Variants in RBMS1 observed in about 807,000 individuals in gnomAD.
The protein encoded by RBMS1 is RNA-binding motif, single-stranded-interacting protein 1.
RBMS1 carries 17 observed loss-of-function variants against 62.3 expected under a neutral mutation model. That is an observed-to-expected ratio of 0.27 (90% CI 0.19 to 0.41). RBMS1 has a LOEUF of 0.41. Ranked by LOEUF, RBMS1 falls within the 10% of genes least tolerant of loss-of-function variation. The probability of loss-of-function intolerance (pLI) is 1.00; values close to 1 mark genes in which losing one functional copy is unlikely to be tolerated. For missense variants in RBMS1, 334 were observed against 504.5 expected (o/e 0.66, Z 3.24); for synonymous variants, 172 against 170.0 (o/e 1.01, Z -0.09).
At chr2:160,412,106 C>A (rs905488565) in intron 1 of RBMS1, among the ~76,000 whole-genome samples, 2 of 152,192 alleles carry the variant, frequency 1.3e-5, no homozygotes, top group Non-Finnish European at 2.9e-5. Flanking sequence ...TCAGAGATCA[C>A]TCTCATAAGC....
intron 1 of RBMS1, 151 bp downstream of exon 1, chr2:160,493,138 C>G: frequency 1.3e-6 from 1 of 744,340 alleles, no homozygotes; most frequent in Non-Finnish European, 2.1e-6. Flanking sequence ...CCGCCCGGCT[C>G]TGCCCAGGCC....
intron 1 of RBMS1, among the ~76,000 whole-genome samples, chr2:160,371,948 A>G (rs1478902179): frequency 6.6e-6 from 1 of 152,230 alleles, no homozygotes; most frequent in Non-Finnish European, 1.5e-5. Flanking sequence ...TATAGAGAAG[A>G]GAGAAATAGT....
intron 1 of RBMS1, among the ~76,000 whole-genome samples, chr2:160,426,294 G>GA (rs1256947237): frequency 0.011 from 730 of 65,546 alleles, no homozygotes; most frequent in Non-Finnish European, 0.011. Context: ...AGAAAGAAAA[G>GA]AAAGAAGGAA....
intron 1 of RBMS1, among the ~76,000 whole-genome samples, chr2:160,487,738 A>ATTCAATGTCCAACATATTCTCAATCT (rs1685655323): frequency 6.6e-6 from 1 of 152,230 alleles, no homozygotes; most frequent in African/African-American, 2.4e-5. Context: ...AGGTTTTCAT[A>ATTCAATGTCCAACATATTCTCAATCT]TTCAATGTCC....
At chr2:160,288,187 A>G (rs1001410815) in intron 6 of RBMS1, among the ~76,000 whole-genome samples, 4 of 152,142 alleles carry the variant, frequency 2.6e-5, no homozygotes, top group Non-Finnish European at 2.9e-5. Context: ...AAAGGCAATC[A>G]CACCTTCCTG....
Position 160,417,605 on chromosome 2 carries a change from T to A in RBMS1, c.76-50214A>T, listed in dbSNP as rs141377363. 2.5e-3 allele frequency among the ~76,000 whole-genome samples: 381 copies of A among 152,310 alleles called. 1 individual carries two copies. The highest frequency in any genetic ancestry group is 8.4e-3 in the African/African-American group (351 of 41,544). ...TGCCTGAAAATTACAGAGATGTTAA[T>A]TGACATTTGAAAAAAGTGGACTACA... is the stretch of plus-strand genomic sequence containing the variant. On this transcript the variant is annotated intron_variant, in intron 1 of 13. Transcript: ENST00000348849.
chr2:160,372,053 C>T (rs774403483), intron 1 of RBMS1, among the ~76,000 whole-genome samples: 35 of 152,184 alleles, frequency 2.3e-4, no homozygotes, highest in Non-Finnish European at 4.3e-4. Context: ...TTATAGATTT[C>T]TATGCAGCAA....
chr2:160,453,089 TATGATGATG>T (rs34689714), intron 1 of RBMS1, among the ~76,000 whole-genome samples: 32,752 of 138,972 alleles, frequency 0.24, 3,852 homozygotes, highest in African/African-American at 0.31. Context: ...TAACTACTGT[TATGATGATG>T]ATGATGATGA....
intron 2 of RBMS1, among the ~76,000 whole-genome samples, chr2:160,350,743 C>A (rs1335308613): frequency 1.3e-5 from 2 of 152,104 alleles, no homozygotes; most frequent in African/African-American, 2.4e-5. Context: ...TTTCTTAATC[C>A]AGTCTATCAT....
intron 1 of RBMS1, among the ~76,000 whole-genome samples, chr2:160,414,089 C>A (rs543691979): frequency 6.6e-6 from 1 of 152,320 alleles, no homozygotes; most frequent in African/African-American, 2.4e-5. Flanking sequence ...TTGGGCAAGG[C>A]ACTTATCCCT....
At chr2:160,311,218 A>G (rs549378262) in intron 4 of RBMS1, among the ~76,000 whole-genome samples, 1 of 59,676 alleles carries the variant, frequency 1.7e-5, no homozygotes, top group Non-Finnish European at 3.6e-5. Context: ...AAATCTATCT[A>G]TCTATCTATC....
chr2:160,389,657 C>G (rs942345802), intron 1 of RBMS1, among the ~76,000 whole-genome samples: 3 of 133,764 alleles, frequency 2.2e-5, no homozygotes, highest in African/African-American at 8.8e-5. Context: ...AAGTTTGCAC[C>G]ACTGCATTCC....
intron 1 of RBMS1, among the ~76,000 whole-genome samples, chr2:160,489,871 A>C (rs1291111781): frequency 1.3e-5 from 2 of 152,166 alleles, no homozygotes; most frequent in Non-Finnish European, 2.9e-5. Flanking sequence ...CAGTTGGTAC[A>C]AAATATGTAG....
At chr2:160,430,186 G>A (rs774871747) in intron 1 of RBMS1, among the ~76,000 whole-genome samples, 5 of 152,200 alleles carry the variant, frequency 3.3e-5, no homozygotes, top group African/African-American at 4.8e-5. Context: ...TGGAGCAGAA[G>A]AGCCACCCAG....
intron 1 of RBMS1, chr2:160,407,727 C>T: frequency 1.0e-6 from 1 of 981,458 alleles, no homozygotes; most frequent in Non-Finnish European, 1.2e-6. Flanking sequence ...GACCTCCGCA[C>T]TCGCCTAAAA....
intron 2 of RBMS1, among the ~76,000 whole-genome samples, chr2:160,364,333 C>T (rs1035143090): frequency 2.0e-5 from 3 of 152,314 alleles, no homozygotes; most frequent in South Asian, 4.1e-4. Context: ...CAAGATTCCT[C>T]GTACGTGTTT....
intron 1 of RBMS1, among the ~76,000 whole-genome samples, chr2:160,438,049 G>C (rs1683186509): frequency 1.3e-5 from 2 of 152,168 alleles, no homozygotes; most frequent in East Asian, 1.9e-4. Context: ...GGGTCCTCCT[G>C]TTCCTACCAT....
Position 160,272,604 on chromosome 2 carries a change from T to C in RBMS1, c.*2168A>G, listed in dbSNP as rs1382982910. 3 of 152,134 alleles carry C rather than the reference T, an allele frequency of 2.0e-5. No individual in the cohort carries two copies. The highest frequency in any genetic ancestry group is 4.4e-5 in the Non-Finnish European group (3 of 68,026). 9.4% of individuals were successfully genotyped at this position (152,134 alleles called of 1,614,324 possible). ...CTAACCGAGCTATCAAATTTCTGTC[T>C]TAACTAATGCAAAAATATCAAGTAG... is the stretch of plus-strand genomic sequence containing the variant. On this transcript the variant is annotated 3_prime_UTR_variant, in exon 14 of 14. Transcript: ENST00000348849.
intron 1 of RBMS1, among the ~76,000 whole-genome samples, chr2:160,450,988 C>T (rs1359091234): frequency 1.3e-5 from 2 of 152,010 alleles, no homozygotes; most frequent in Non-Finnish European, 2.9e-5. Context: ...GACCCCATCT[C>T]TACAAAAAAC....
Sources: allele counts gnomAD v4.1 joint callset (sites outside exome capture counted in the v4.1 genomes callset), GRCh38; gene constraint gnomAD v4.1.1; transcripts MANE v1.5; gene names NCBI Gene and HGNC (gene_info 2026-07-23, HGNC 2026-07-21).